The following DPP6 variants were observed in gnomAD, a reference collection of about 807,000 sequenced individuals.
DPP6 encodes the protein A-type potassium channel modulatory protein DPP6.
Under a neutral mutation model 122.6 loss-of-function variants are expected in DPP6, and 69 were observed. The observed-to-expected ratio is 0.56, with a 90% CI of 0.46 to 0.69. DPP6 has a LOEUF of 0.69. Among genes scored for constraint, DPP6 ranks in the 30% least tolerant of loss-of-function variants. The pLI, the probability that DPP6 is intolerant of heterozygous loss-of-function variation, is 0.00. For missense variants in DPP6, 928 were observed against 1,116.9 expected, an observed-to-expected ratio of 0.83 and a Z score of 2.41; for synonymous variants, 418 against 433.1, an observed-to-expected ratio of 0.97 and a Z score of 0.43.
chr7:154,046,520 A>G (rs1365067446), intron 1 of DPP6, among the ~76,000 whole-genome samples: 1 of 152,182 alleles, frequency 6.6e-6, no homozygotes, highest in African/African-American at 2.4e-5. Flanking sequence ...GGAGCTGGAT[A>G]TTTATAGGTT....
chr7:154,566,515 T>G (rs1830760245), intron 4 of DPP6, among the ~76,000 whole-genome samples: 1 of 152,136 alleles, frequency 6.6e-6, no homozygotes, highest in Non-Finnish European at 1.5e-5. Flanking sequence ...GGTCTTGAAC[T>G]CCTGACCTCA....
chr7:154,372,436 C>G (rs1404552563), intron 1 of DPP6, among the ~76,000 whole-genome samples: 1 of 152,186 alleles, frequency 6.6e-6, no homozygotes, highest in Non-Finnish European at 1.5e-5. Flanking sequence ...CACGCAGTGC[C>G]TGTGCTGAAC....
intron 1 of DPP6, among the ~76,000 whole-genome samples, chr7:153,972,443 A>G (rs1441403927): frequency 2.6e-5 from 4 of 152,038 alleles, no homozygotes; most frequent in African/African-American, 9.7e-5. Context: ...TAGCTCCTCT[A>G]AGCTGATTCT....
At chr7:154,666,818 T>G (rs1457325084) in intron 6 of DPP6, among the ~76,000 whole-genome samples, 1 of 152,250 alleles carries the variant, frequency 6.6e-6, no homozygotes, top group Non-Finnish European at 1.5e-5. Context: ...GCACATGTAT[T>G]TGTGCATTGT....
In DPP6 at chr7:154,474,926, TA is replaced by T; in HGVS notation, c.359-12del. On this transcript the variant is annotated splice_polypyrimidine_tract_variant and intron_variant, in intron 2 of 25. Transcript: ENST00000377770. ...GAAACAAGCTTAACTCTTTGCTTTT[TA>T]TTTTTTTCTAGCGGAAGATAATAGT... 1 of 1,604,710 alleles carries T rather than the reference TA, an allele frequency of 6.2e-7. No homozygotes were observed. Among genetic ancestry groups the T allele is most frequent in the Non-Finnish European group, 8.5e-7 (1 of 1,172,024 alleles).
chr7:154,170,791 C>G (rs1041179705), intron 1 of DPP6, among the ~76,000 whole-genome samples: 137 of 152,326 alleles, frequency 9.0e-4, no homozygotes, highest in African/African-American at 3.2e-3. Flanking sequence ...CTAGACTAGC[C>G]TCTGTGGACT....
chr7:154,814,308 C>T (rs1029184211), intron 16 of DPP6, among the ~76,000 whole-genome samples: 1 of 152,158 alleles, frequency 6.6e-6, no homozygotes, highest in Non-Finnish European at 1.5e-5. Context: ...TCATTTTTCA[C>T]ATTTCCATGC....
At chr7:154,192,870 C>A (rs1798681817) in intron 1 of DPP6, among the ~76,000 whole-genome samples, 1 of 152,214 alleles carries the variant, frequency 6.6e-6, no homozygotes, top group Non-Finnish European at 1.5e-5. Context: ...CCAGAGAAGA[C>A]CCCAGGCCAG....
chr7:154,551,082 T>G (rs528791696), intron 4 of DPP6, among the ~76,000 whole-genome samples: 50 of 152,348 alleles, frequency 3.3e-4, no homozygotes, highest in African/African-American at 1.1e-3. Context: ...ACCAAAAGTT[T>G]GGGTAAAGCA....
At chr7:153,863,182 AG>A in the DPP6 span, among the ~76,000 whole-genome samples, 2 of 152,168 alleles carry the variant, frequency 1.3e-5, no homozygotes, top group Non-Finnish European at 2.9e-5. Flanking sequence ...ATTTCATCAA[AG>A]CATAGCAAAA....
At chr7:154,220,277 T>C (rs1245959397) in intron 1 of DPP6, among the ~76,000 whole-genome samples, 1 of 152,138 alleles carries the variant, frequency 6.6e-6, no homozygotes, top group African/African-American at 2.4e-5. Context: ...CCATTCCTTC[T>C]GTCATGTGAG....
At chr7:154,503,430 G>A (rs768972926) in intron 3 of DPP6, among the ~76,000 whole-genome samples, 5 of 152,176 alleles carry the variant, frequency 3.3e-5, no homozygotes, top group Non-Finnish European at 7.3e-5. Context: ...CCTACACGAT[G>A]TACCTGACCA....
chr7:154,318,993 G>A (rs1295382337), intron 1 of DPP6, among the ~76,000 whole-genome samples: 1 of 152,236 alleles, frequency 6.6e-6, no homozygotes, highest in Non-Finnish European at 1.5e-5. Flanking sequence ...CTGGTTTAGA[G>A]TGTGTTGGTT....
At chr7:154,713,899 C>A (rs1841336219) in intron 7 of DPP6, among the ~76,000 whole-genome samples, 1 of 152,206 alleles carries the variant, frequency 6.6e-6, no homozygotes, top group Non-Finnish European at 1.5e-5. Context: ...TTTTCTATCG[C>A]ATCATCAGAT....
the DPP6 span, among the ~76,000 whole-genome samples, chr7:153,811,208 C>T: frequency 1.3e-5 from 2 of 152,136 alleles, no homozygotes; most frequent in African/African-American, 2.4e-5. Context: ...CTGCAAGGCC[C>T]GAGTTAAAGG....
intron 1 of DPP6, among the ~76,000 whole-genome samples, chr7:154,251,425 T>G (rs1391644523): frequency 6.6e-6 from 1 of 152,314 alleles, no homozygotes; most frequent in Non-Finnish European, 1.5e-5. Flanking sequence ...CCTAGGGAGA[T>G]AAGATGGCAT....
At chr7:154,731,524 C>T (rs1358037546) in intron 8 of DPP6, among the ~76,000 whole-genome samples, 4 of 152,174 alleles carry the variant, frequency 2.6e-5, no homozygotes, top group Non-Finnish European at 1.5e-5. Context: ...GCCCACATGC[C>T]AGAATGTGAG....
intron 1 of DPP6, chr7:154,026,860 C>T (rs2628741): frequency 1.3e-5 from 2 of 152,082 alleles, no homozygotes; most frequent in African/African-American, 2.4e-5. Context: ...TTCTGTTGAT[C>T]AATGAATTCG....
chr7:154,428,019 C>T (rs1818052105), intron 1 of DPP6, among the ~76,000 whole-genome samples: 1 of 152,202 alleles, frequency 6.6e-6, no homozygotes, highest in African/African-American at 2.4e-5. Context: ...TATTAATACA[C>T]TGGCTGAGTA....
Sources: gnomAD v4.1 joint callset for allele counts (sites outside exome capture counted in the v4.1 genomes callset) on GRCh38, gnomAD v4.1.1 for gene constraint, MANE v1.5 for transcripts, NCBI Gene and HGNC (gene_info 2026-07-23, HGNC 2026-07-21) for gene names.